Variants in SV2C observed in about 807,000 individuals in gnomAD.
SV2C encodes the protein solute carrier family 22 member B3.
In SV2C, 49 loss-of-function variants were observed where a neutral mutation model predicts 79.7. The ratio of observed to expected loss-of-function variants is 0.61; its 90% CI spans 0.49 to 0.78. The LOEUF (loss-of-function observed/expected upper bound fraction) is 0.78. Ranked by LOEUF, SV2C falls within the 30% of genes least tolerant of loss-of-function variation. The pLI is 0.00. For synonymous variants in SV2C, 334 were observed against 333.2 expected, an observed-to-expected ratio of 1.00 and a Z score of -0.03; for missense variants, 833 against 912.9, an observed-to-expected ratio of 0.91 and a Z score of 1.13.
the SV2C span, among the ~76,000 whole-genome samples, chr5:75,976,559 T>C: frequency 2.6e-5 from 4 of 151,956 alleles, no homozygotes; most frequent in Admixed American, 2.6e-4. Context: ...CCTTATATAG[T>C]CTTCCCAGAG....
chr5:75,951,287 T>G, the SV2C span, among the ~76,000 whole-genome samples: 8 of 152,154 alleles, frequency 5.3e-5, no homozygotes, highest in African/African-American at 1.7e-4. Context: ...TCCAATTGAG[T>G]GCAAACATGT....
intron 12 of SV2C, among the ~76,000 whole-genome samples, chr5:76,305,497 A>G (rs1748157819): frequency 6.6e-6 from 1 of 152,132 alleles, no homozygotes; most frequent in South Asian, 2.1e-4. Context: ...CTGTTGTGCA[A>G]TCAGGAAGCA....
At chr5:76,234,341 C>T (rs552053394) in intron 4 of SV2C, among the ~76,000 whole-genome samples, 134 of 152,314 alleles carry the variant, frequency 8.8e-4, no homozygotes, top group Middle Eastern at 3.4e-3. Context: ...AAAATTATCA[C>T]TCAAATTCTA....
the SV2C span, among the ~76,000 whole-genome samples, chr5:76,058,928 A>T: frequency 6.6e-6 from 1 of 152,120 alleles, no homozygotes; most frequent in South Asian, 2.1e-4. Context: ...TTATCTTTAG[A>T]GGTACTGAAT....
At chr5:76,213,840 CA>C (rs764108101) in intron 4 of SV2C, among the ~76,000 whole-genome samples, 131 of 152,240 alleles carry the variant, frequency 8.6e-4, no homozygotes, top group Non-Finnish European at 1.7e-3. Context: ...ATCTTATAAC[CA>C]AAAGTTTGTG....
Position 76,298,828 on chromosome 5 carries a change from A to G in SV2C, c.1537A>G (p.Lys513Glu). 1 of 1,613,958 alleles carries G rather than the reference A, an allele frequency of 6.2e-7. No individual in the cohort carries two copies. Among genetic ancestry groups the G allele is most frequent in the Non-Finnish European group, 8.5e-7 (1 of 1,179,876 alleles). The change falls in exon 10 of 13, where the codon AAA (lysine) becomes GAA (glutamate). Residue 513 changes from lysine (K) to glutamate (E), a missense_variant. By Grantham distance (56) the Lys-to-Glu change is moderately conservative. Coordinates refer to ENST00000502798, the MANE Select transcript of SV2C (RefSeq NM_014979.4). ...GGTCAAGTTCAAATCTGTAACTTTC[A>G]AAGACTCTGTTTTTAAGTCCTGCAC... ...IGVKFKSVTF[K>E]DSVFKSCTFE...
At chr5:75,920,964 G>A in the SV2C span, 2 of 718,182 alleles carry the variant, frequency 2.8e-6, no homozygotes, top group Non-Finnish European at 2.5e-6. Context: ...CGGCCCCTGA[G>A]GAGGTGATGC....
chr5:75,878,669 TATAAG>T, the SV2C span, among the ~76,000 whole-genome samples: 1 of 152,158 alleles, frequency 6.6e-6, no homozygotes, highest in Non-Finnish European at 1.5e-5. Context: ...GTGGTCCTGA[TATAAG>T]ATAATCATTG....
chr5:75,878,706 C>G, the SV2C span, among the ~76,000 whole-genome samples: 1 of 152,270 alleles, frequency 6.6e-6, no homozygotes, highest in East Asian at 1.9e-4. Flanking sequence ...CACATAAATA[C>G]ATACCCTACT....
intron 1 of SV2C, among the ~76,000 whole-genome samples, chr5:76,086,350 A>G (rs1337117836): frequency 3.3e-5 from 5 of 152,236 alleles, no homozygotes; most frequent in Admixed American, 6.5e-5. Context: ...GACATATTGT[A>G]TGAATAAAAG....
At chr5:76,244,236 T>C (rs1579981384) in intron 4 of SV2C, among the ~76,000 whole-genome samples, 1 of 152,324 alleles carries the variant, frequency 6.6e-6, no homozygotes, top group East Asian at 1.9e-4. Context: ...AGATGTCAAA[T>C]GAAGTATTTC....
chr5:76,291,790 G>A lies in SV2C; in HGVS notation c.1271G>A (p.Cys424Tyr), dbSNP rs1747573720. 2 of 1,610,084 alleles carry A rather than the reference G, an allele frequency of 1.2e-6. No homozygotes were observed. Among genetic ancestry groups the A allele is most frequent in the Non-Finnish European group, 1.7e-6 (2 of 1,177,732 alleles). Residue 424 changes from cysteine to tyrosine, a missense_variant, in exon 8 of 13, where the codon TGT becomes TAT. Coordinates refer to ENST00000502798, the MANE Select transcript of SV2C (RefSeq NM_014979.4). ...LYGIWLTFMR[C>Y]FNYPVRDNTI... ...CAGATTTGGTTGACTTTTATGAGAT[G>A]TTTCAACTACCCAGTCAGGGATAAT...
rs564924251 is a variant in SV2C, at chr5:76,160,119, G to C, written c.580+27789G>C. 5.4e-4 allele frequency among the ~76,000 whole-genome samples: 82 copies of C among 152,190 alleles called. 1 individual carries two copies. Among genetic ancestry groups the C allele is most frequent in the Non-Finnish European group, 8.5e-4 (58 of 67,984 alleles). ...TAGATTGGAAGACAAGGTTAGGGTG[G>C]AAATCCTTTGCAAATGAATCTACAG... On this transcript the variant is annotated intron_variant, in intron 2 of 12. Transcript: ENST00000502798.
At position 76,276,185 on chromosome 5, in the gene SV2C, T is replaced by C. The variant is rs79334037; in HGVS notation, c.914-8977T>C. ...GGAGCTCAAAAGCAGGTCCTGAGAA[T>C]TGATGGCTGAGTAGTGATGGTTGTC... On this transcript the variant is annotated intron_variant, in intron 4 of 12. Transcript: ENST00000502798. Among the ~76,000 whole-genome samples, 566 of 152,318 alleles carry C rather than the reference T, an allele frequency of 3.7e-3. 4 individuals carry two copies. The highest frequency in any genetic ancestry group is 0.013 in the African/African-American group (526 of 41,578).
intron 4 of SV2C, chr5:76,281,316 G>T: frequency 2.3e-6 from 1 of 429,232 alleles, no homozygotes. Flanking sequence ...ACGATTCTAG[G>T]ACGGAAGTTA....
At position 76,296,350 on chromosome 5, in the gene SV2C, CAG is replaced by C. The variant is rs143430781; in HGVS notation, c.1502+411_1502+412del. Reference sequence around the variant, plus strand: ...ATATGAGTCTTCTATTCCTGAGAAACAGAGCCACTTTTCAGAATTCATCCTTC... The same window carrying C: ...ATATGAGTCTTCTATTCCTGAGAAACAGCCACTTTTCAGAATTCATCCTTC... On this transcript the variant is annotated intron_variant, in intron 9 of 12. Transcript: ENST00000502798. 5.6e-3 allele frequency among the ~76,000 whole-genome samples: 852 copies of C among 152,274 alleles called. 7 individuals carry two copies. Among genetic ancestry groups the C allele is most frequent in the African/African-American group, 0.019 (804 of 41,564 alleles).
the SV2C span, among the ~76,000 whole-genome samples, chr5:75,894,082 A>G: frequency 0.029 from 4,434 of 152,148 alleles, 205 homozygotes; most frequent in African/African-American, 0.097. Flanking sequence ...GAGGGAGGAC[A>G]TCATTAGAAT....
At chr5:76,230,741 A>T (rs925882945) in intron 4 of SV2C, among the ~76,000 whole-genome samples, 2 of 151,992 alleles carry the variant, frequency 1.3e-5, no homozygotes, top group African/African-American at 2.4e-5. Context: ...GTGAGCCAAG[A>T]TTGCACCACT....
chr5:76,316,842 G>A (rs1026235023), intron 12 of SV2C, among the ~76,000 whole-genome samples: 9 of 152,038 alleles, frequency 5.9e-5, no homozygotes, highest in South Asian at 2.1e-4. Context: ...CCCTCAGCTC[G>A]ATATCACTTT....
Sources: allele counts gnomAD v4.1 joint callset (sites outside exome capture counted in the v4.1 genomes callset), GRCh38; gene constraint gnomAD v4.1.1; transcripts MANE v1.5; gene names NCBI Gene and HGNC (gene_info 2026-07-23, HGNC 2026-07-21).